Variants in UPRT observed in about 807,000 individuals in gnomAD.
UPRT encodes RP11-311P8.3.
In UPRT, 5 loss-of-function variants were observed where a neutral mutation model predicts 22.6. The ratio of observed to expected loss-of-function variants is 0.22; its 90% CI spans 0.12 to 0.47. The LOEUF (loss-of-function observed/expected upper bound fraction) is 0.47. Among genes scored for constraint, UPRT ranks in the 20% least tolerant of loss-of-function variants. The probability of loss-of-function intolerance (pLI) is 0.99; values close to 1 mark genes in which losing one functional copy is unlikely to be tolerated. For missense variants in UPRT, 181 were observed against 239.9 expected (o/e 0.75, Z 1.62); for synonymous variants, 77 against 87.7 (o/e 0.88, Z 0.68).
At chrX:75,243,001 T>C (rs1416511145) in intron 4 of UPRT, among the ~76,000 whole-genome samples, 2 of 111,725 alleles carry the variant, frequency 1.8e-5, no homozygotes, top group African/African-American at 6.5e-5. Context: ...GCTTAAAACC[T>C]AAAATGAAGT....
At chrX:75,252,182 C>A (rs1422377334) in intron 4 of UPRT, among the ~76,000 whole-genome samples, 2 of 112,050 alleles carry the variant, frequency 1.8e-5, no homozygotes, top group Non-Finnish European at 3.8e-5. Context: ...ACACCAAAAG[C>A]AATGGCAACA....
At chrX:75,235,051 C>A (rs1201421183) in intron 4 of UPRT, among the ~76,000 whole-genome samples, 3 of 110,121 alleles carry the variant, frequency 2.7e-5, no homozygotes, top group Non-Finnish European at 5.7e-5. Context: ...AAGACTAATA[C>A]AGAAGAAAAG....
At chrX:75,298,718 T>C (rs1302127954) in intron 4 of UPRT, among the ~76,000 whole-genome samples, 2 of 112,233 alleles carry the variant, frequency 1.8e-5, no homozygotes, top group Admixed American at 9.5e-5. Context: ...TCTTAAGCAC[T>C]GATAGCATTT....
intron 1 of UPRT, among the ~76,000 whole-genome samples, chrX:75,289,148 A>G (rs1489896268): frequency 9.0e-6 from 1 of 111,260 alleles, no homozygotes; most frequent in African/African-American, 3.3e-5. Context: ...GTTCAAGACC[A>G]GCCTGGGCAA....
intron 4 of UPRT, among the ~76,000 whole-genome samples, chrX:75,195,129 G>A (rs1415585949): frequency 8.9e-6 from 1 of 112,238 alleles, no homozygotes; most frequent in Non-Finnish European, 1.9e-5. Context: ...TGTAGGTAAA[G>A]TGGCATGGGG....
chrX:75,283,669 G>A (rs2082668163), intron 1 of UPRT, among the ~76,000 whole-genome samples: 1 of 111,773 alleles, frequency 8.9e-6, no homozygotes, highest in South Asian at 3.7e-4. Flanking sequence ...CAAATCTGCT[G>A]TTAATCTGAT....
chrX:75,271,280 T>A (rs1314123416), upstream of UPRT, among the ~76,000 whole-genome samples: 1 of 112,464 alleles, frequency 8.9e-6, no homozygotes, highest in Non-Finnish European at 1.9e-5. Flanking sequence ...GAATACAGCA[T>A]GGTACTGGTA....
At chrX:75,166,733 A>G (rs146293761) in intron 3 of UPRT, among the ~76,000 whole-genome samples, 2,570 of 112,463 alleles carry the variant, frequency 0.023, 32 homozygotes, top group South Asian at 0.066. Context: ...AGGAGCCCCC[A>G]GTAATAAATC....
intron 1 of UPRT, among the ~76,000 whole-genome samples, chrX:75,292,675 C>A (rs1168360979): frequency 9.0e-6 from 1 of 111,582 alleles, no homozygotes; most frequent in Non-Finnish European, 1.9e-5. Flanking sequence ...GTAAATCAAT[C>A]CATTCAGTCA....
At chrX:75,211,153 G>T (rs1465495000) in intron 4 of UPRT, among the ~76,000 whole-genome samples, 2 of 111,083 alleles carry the variant, frequency 1.8e-5, no homozygotes, top group African/African-American at 6.6e-5. Flanking sequence ...CATACTGGTG[G>T]CTGGAAGGGT....
chrX:75,250,559 G>T (rs1481466329), intron 4 of UPRT, among the ~76,000 whole-genome samples: 3 of 111,318 alleles, frequency 2.7e-5, no homozygotes, highest in Non-Finnish European at 5.7e-5. Context: ...TGAAATTGAG[G>T]CAATAATTAA....
intron 1 of UPRT, among the ~76,000 whole-genome samples, chrX:75,283,220 T>TA (rs1228261236): frequency 8.9e-6 from 1 of 112,112 alleles, no homozygotes; most frequent in African/African-American, 3.2e-5. Flanking sequence ...GGTGAGTTCT[T>TA]ATCCATTCTG....
chrX:75,173,744 CGG>C (rs2082237831), intron 4 of UPRT, among the ~76,000 whole-genome samples: 1 of 110,606 alleles, frequency 9.0e-6, no homozygotes, highest in African/African-American at 3.3e-5. Context: ...CCCTGCCCCG[CGG>C]GAAGGCAGCT....
chrX:75,253,299 A>G (rs1047980884), intron 4 of UPRT, among the ~76,000 whole-genome samples: 2 of 112,421 alleles, frequency 1.8e-5, no homozygotes, highest in Admixed American at 9.4e-5. Flanking sequence ...ACCTAAAATT[A>G]TATGAAAAAA....
chrX:75,301,853 A>C (rs191333224), intron 6 of UPRT, among the ~76,000 whole-genome samples: 1 of 112,101 alleles, frequency 8.9e-6, no homozygotes, highest in African/African-American at 3.2e-5. Flanking sequence ...ATCTTTCCTT[A>C]GCATGAGAGG....
intron 2 of UPRT, among the ~76,000 whole-genome samples, chrX:75,295,231 T>G (rs1210858528): frequency 9.0e-6 from 1 of 110,708 alleles, no homozygotes; most frequent in Non-Finnish European, 1.9e-5. Flanking sequence ...TCTTTATATT[T>G]TAGTCACTCT....
At chrX:75,236,969 G>A (rs1284559722) in intron 4 of UPRT, among the ~76,000 whole-genome samples, 1 of 112,238 alleles carries the variant, frequency 8.9e-6, no homozygotes, top group Non-Finnish European at 1.9e-5. Context: ...CAACTAAAGA[G>A]CTTCTGCACA....
At chrX:75,191,629 C>A (rs916849665) in intron 4 of UPRT, among the ~76,000 whole-genome samples, 4 of 112,262 alleles carry the variant, frequency 3.6e-5, no homozygotes, top group African/African-American at 1.3e-4. Flanking sequence ...AGCTTCCTGG[C>A]CGCTTTGTTT....
At chrX:75,164,501 A>G (rs2082208045) in intron 3 of UPRT, among the ~76,000 whole-genome samples, 1 of 112,133 alleles carries the variant, frequency 8.9e-6, no homozygotes, top group African/African-American at 3.2e-5. Context: ...CCTTGCAAAC[A>G]TTATGCTAAG....
Sources: allele counts gnomAD v4.1 joint callset (sites outside exome capture counted in the v4.1 genomes callset), GRCh38; gene constraint gnomAD v4.1.1; transcripts MANE v1.5; gene names NCBI Gene and HGNC (gene_info 2026-07-23, HGNC 2026-07-21).